SPACA1: variants seen among roughly 807,000 people sequenced by gnomAD.
SPACA1 encodes the protein sperm acrosome associated 1, also known as sperm acrosome membrane-associated protein 1.
Under a neutral mutation model 32.6 loss-of-function variants are expected in SPACA1, and 17 were observed. That is an observed-to-expected ratio of 0.52 (90% CI 0.36 to 0.78). The LOEUF is 0.78. Among genes scored for constraint, SPACA1 ranks in the 30% least tolerant of loss-of-function variants. SPACA1 has a pLI of 0.01. For missense variants in SPACA1, 363 were observed against 373.4 expected (o/e 0.97, Z 0.23); for synonymous variants, 140 against 138.1 (o/e 1.01, Z -0.10).
chr6:88,064,664 G>A (rs9450871), intron 6 of SPACA1, among the ~76,000 whole-genome samples: 229 of 150,924 alleles, frequency 1.5e-3, no homozygotes, highest in African/African-American at 5.2e-3. Context: ...CTGATGCATC[G>A]CAAACTAAAA....
chr6:88,055,698 C>T (rs113372555), intron 2 of SPACA1, among the ~76,000 whole-genome samples: 75 of 152,346 alleles, frequency 4.9e-4, no homozygotes, highest in African/African-American at 1.6e-3. Flanking sequence ...AAGCCGGGCG[C>T]GGTGGCTCAC....
chr6:88,060,926 TTCTC>T (rs981310840), intron 5 of SPACA1, among the ~76,000 whole-genome samples: 1 of 152,208 alleles, frequency 6.6e-6, no homozygotes, highest in Non-Finnish European at 1.5e-5. Context: ...CAAAGTTAAC[TTCTC>T]TCTCTCATAG....
At chr6:88,054,187 G>C (rs1039352336) in intron 2 of SPACA1, among the ~76,000 whole-genome samples, 185 bp downstream of exon 2, 2 of 148,420 alleles carry the variant, frequency 1.3e-5, no homozygotes, top group African/African-American at 4.9e-5. Context: ...GATATTTTCA[G>C]TTTATAATCT....
At position 88,059,126 on chromosome 6, in the gene SPACA1, A is replaced by T. The variant is rs1049240341; in HGVS notation, c.474+304A>T. ...AGTTGTATAATGATAGCAGTGGCTAACATTAATTAAGGGTTTATTAAGTGC... is the reference window on the plus strand; with the variant it reads ...AGTTGTATAATGATAGCAGTGGCTATCATTAATTAAGGGTTTATTAAGTGC... On this transcript the variant is annotated intron_variant, in intron 4 of 6. Transcript: ENST00000237201. Among the ~76,000 whole-genome samples, 6 of 152,340 alleles carry T rather than the reference A, an allele frequency of 3.9e-5. No individual in the cohort carries two copies. The South Asian group carries it at 1.2e-3, about 32-fold the overall frequency.
intron 5 of SPACA1, among the ~76,000 whole-genome samples, chr6:88,062,755 C>A (rs985748406): frequency 7.2e-5 from 11 of 151,932 alleles, no homozygotes; most frequent in African/African-American, 2.2e-4. Flanking sequence ...TCAAGGCCAG[C>A]CTGGGCAATA....
Position 88,058,745 on chromosome 6 carries a change from A to G in SPACA1, c.397A>G (p.Ser133Gly), listed in dbSNP as rs1384190707. ...TAAACCAATTTCAGAAAGTCTTGAA[A>G]GTGTTAGATTGGCATGTATTCACAC... is the stretch of plus-strand genomic sequence containing the variant. The part of the protein sequence containing the change: ...WGKPISESLE[S>G]VRLACIHTSP... Residue 133 changes from serine to glycine, a missense_variant, in exon 4 of 7, where the codon AGT (serine) becomes GGT (glycine). Ser to Gly is a moderately conservative substitution (Grantham distance 56, BLOSUM62 0). Transcript: ENST00000237201. 6.2e-7 allele frequency: 1 copy of G among 1,613,778 alleles called. No individual in the cohort carries two copies. The highest frequency in any genetic ancestry group is 8.5e-7 in the Non-Finnish European group (1 of 1,179,874).
At chr6:88,049,751 A>T (rs1223623356) in intron 1 of SPACA1, among the ~76,000 whole-genome samples, 1 of 152,220 alleles carries the variant, frequency 6.6e-6, no homozygotes, top group Non-Finnish European at 1.5e-5. Context: ...CCTAGTTTTG[A>T]AGGTGTATGT....
Position 88,047,888 on chromosome 6 carries a change from C to G in SPACA1, c.-18C>G. ...GCGGCGGCGACTGCGCCTCGGACGG[C>G]CGTCGGGGCCGAGAACCATGAGCCC... On this transcript the variant is annotated 5_prime_UTR_variant, in exon 1 of 7. Transcript: ENST00000237201. 6.6e-7 allele frequency: 1 copy of G among 1,522,130 alleles called. No individual in the cohort carries two copies. The highest frequency in any genetic ancestry group is 8.8e-7 in the Non-Finnish European group (1 of 1,131,688). 94.3% of individuals were successfully genotyped at this position (1,522,130 alleles called of 1,614,324 possible). A position where few individuals can be genotyped will look rare whatever the true frequency, so the allele number is the denominator to read the frequency against.
At chr6:88,064,302 G>T in intron 6 of SPACA1, 83 bp downstream of exon 6, 1 of 1,389,704 alleles carries the variant, frequency 7.2e-7, no homozygotes, top group Non-Finnish European at 9.8e-7. Context: ...GCAAAGCCCT[G>T]TCCGTGATGT....
At chr6:88,055,080 T>C (rs1019853364) in intron 2 of SPACA1, among the ~76,000 whole-genome samples, 1 of 151,728 alleles carries the variant, frequency 6.6e-6, no homozygotes, top group South Asian at 2.1e-4. Context: ...AAGTCAAGAG[T>C]CATAAAATGA....
intron 2 of SPACA1, among the ~76,000 whole-genome samples, chr6:88,054,303 GA>G (rs1775775084): frequency 1.3e-5 from 2 of 150,074 alleles, no homozygotes; most frequent in Non-Finnish European, 2.9e-5. Context: ...GAAGACGAAA[GA>G]TTTTCCAATG....
intron 1 of SPACA1, among the ~76,000 whole-genome samples, chr6:88,052,828 C>G (rs963629519): frequency 6.6e-6 from 1 of 152,096 alleles, no homozygotes; most frequent in Non-Finnish European, 1.5e-5. Flanking sequence ...CAGAGCAAGA[C>G]TCTCTCGGAA....
upstream of SPACA1, among the ~76,000 whole-genome samples, chr6:88,047,127 C>T (rs562970281): frequency 1.3e-5 from 2 of 152,260 alleles, no homozygotes; most frequent in Non-Finnish European, 1.5e-5. Context: ...CTCCCAATCA[C>T]CCCCACTAAA....
At chr6:88,064,023 A>T (rs1428051948) in intron 5 of SPACA1, 76 bp from the exon 6 acceptor site, 1 of 1,505,892 alleles carries the variant, frequency 6.6e-7, no homozygotes. Flanking sequence ...TGTTTTTCAA[A>T]TATAAACTTT....
intron 5 of SPACA1, 118 bp downstream of exon 5, chr6:88,059,706 G>T: frequency 1.9e-6 from 2 of 1,033,822 alleles, no homozygotes; most frequent in Non-Finnish European, 1.3e-6. Flanking sequence ...TTCTGATTCA[G>T]TAGATTTGGG....
intron 6 of SPACA1, among the ~76,000 whole-genome samples, chr6:88,065,914 C>T (rs80120737): frequency 0.013 from 1,924 of 151,576 alleles, 46 homozygotes; most frequent in African/African-American, 0.042. Context: ...GTCATAAATA[C>T]GTTTATATTC....
chr6:88,049,646 T>A (rs960841425), intron 1 of SPACA1, among the ~76,000 whole-genome samples: 7 of 152,112 alleles, frequency 4.6e-5, no homozygotes, highest in Non-Finnish European at 8.8e-5. Context: ...TAAAAATAAT[T>A]TACAAATAAG....
chr6:88,063,654 C>T (rs897113404), intron 5 of SPACA1, among the ~76,000 whole-genome samples: 2 of 152,120 alleles, frequency 1.3e-5, no homozygotes, highest in African/African-American at 4.8e-5. Flanking sequence ...TTTGTCAAAA[C>T]TAAGCAAATG....
At chr6:88,064,331 A>G in intron 6 of SPACA1, 112 bp downstream of exon 6, 2 of 1,115,166 alleles carry the variant, frequency 1.8e-6, no homozygotes, top group South Asian at 3.7e-5. Flanking sequence ...TGTTGCCTTG[A>G]AACTGTCCAT....
Sources: gnomAD v4.1 joint callset for allele counts (sites outside exome capture counted in the v4.1 genomes callset) on GRCh38, gnomAD v4.1.1 for gene constraint, MANE v1.5 for transcripts, NCBI Gene and HGNC (gene_info 2026-07-23, HGNC 2026-07-21) for gene names.